The following GTF2F2 variants were observed in gnomAD, a reference collection of about 807,000 sequenced individuals.
The protein encoded by GTF2F2 is ATP-dependent helicase GTF2F2.
GTF2F2 carries 23 observed loss-of-function variants against 42.2 expected under a neutral mutation model. That is an observed-to-expected ratio of 0.55 (90% CI 0.39 to 0.77). GTF2F2 has a LOEUF of 0.77. Among genes scored for constraint, GTF2F2 ranks in the 30% least tolerant of loss-of-function variants. GTF2F2 has a pLI of 0.00. For missense variants in GTF2F2, 261 were observed against 287.2 expected (o/e 0.91, Z 0.66); for synonymous variants, 105 against 100.8 (o/e 1.04, Z -0.25).
rs1328736546 is a variant in GTF2F2 at position 45,191,222 on chromosome 13, AAAATATAT to A, written c.305-16200_305-16193del. Reference sequence around the variant, plus strand: ...CCGTCTCTACTAAAAATACAAAAAAAAAATATATATATATATATATATATATATATATA... The same window carrying A: ...CCGTCTCTACTAAAAATACAAAAAAAATATATATATATATATATATATATA... On this transcript the variant is annotated intron_variant, in intron 4 of 7. Coordinates refer to ENST00000340473, the MANE Select transcript of GTF2F2 (RefSeq NM_004128.3). Among the ~76,000 whole-genome samples the A allele has an allele frequency of 3.0e-4, 21 of 69,964 alleles. 1 individual carries two copies. The highest frequency in any genetic ancestry group is 2.2e-3 in the Admixed American group (16 of 7,372). The allele number at this position is 69,964 out of a possible 152,430, so 45.9% of individuals were successfully genotyped here.
Position 45,283,949 on chromosome 13 carries a change from A to G in GTF2F2, c.*388A>G, listed in dbSNP as rs2138284242. On this transcript the variant is annotated 3_prime_UTR_variant, in exon 8 of 8. Transcript: ENST00000340473. ...TCCAAGGAGAATTGTATAGCAAGAA[A>G]AAAACAGTCAACTACAGAAACTCTT... 6.6e-6 allele frequency: 1 copy of G among 152,522 alleles called. No homozygotes were observed. The highest frequency in any genetic ancestry group is 6.5e-5 in the Admixed American group (1 of 15,314). The allele number at this position is 152,522 out of a possible 1,614,324, so 9.4% of individuals were successfully genotyped here. A position where few individuals can be genotyped will look rare whatever the true frequency, so the allele number is the denominator to read the frequency against.
At chr13:45,211,882 G>C (rs1314309850) in intron 5 of GTF2F2, among the ~76,000 whole-genome samples, 2 of 152,122 alleles carry the variant, frequency 1.3e-5, no homozygotes, top group Non-Finnish European at 2.9e-5. Context: ...CACTGCGCCA[G>C]CCCAGGCTCA....
chr13:45,227,041 A>G (rs1020030673), intron 5 of GTF2F2, among the ~76,000 whole-genome samples: 3 of 152,214 alleles, frequency 2.0e-5, no homozygotes, highest in African/African-American at 7.2e-5. Context: ...TCAAGGCTGC[A>G]GTGAGCTGTG....
At chr13:45,173,838 CG>C (rs1359087089) in intron 4 of GTF2F2, among the ~76,000 whole-genome samples, 1 of 151,902 alleles carries the variant, frequency 6.6e-6, no homozygotes, top group Non-Finnish European at 1.5e-5. Flanking sequence ...AGGATGGTCT[CG>C]ATCTCCTGAC....
rs1165668045 is a variant in GTF2F2, at chr13:45,281,853, AATT to A, written c.631-1585_631-1583del. 1.3e-5 allele frequency among the ~76,000 whole-genome samples: 2 copies of A among 152,330 alleles called. 1 individual carries two copies. The highest frequency in any genetic ancestry group is 1.3e-4 in the Admixed American group (2 of 15,294). ...TAGTTCTTTGAAGCACACGCACACA[AATT>A]ATTGTTGGATTGCTTTGTTCTGCAA... On this transcript the variant is annotated intron_variant, in intron 7 of 7. Transcript: ENST00000340473.
At chr13:45,212,235 T>C (rs980353158) in intron 5 of GTF2F2, among the ~76,000 whole-genome samples, 1 of 152,210 alleles carries the variant, frequency 6.6e-6, no homozygotes, top group African/African-American at 2.4e-5. Flanking sequence ...TTTGACTGCA[T>C]AGTTTTTAGT....
At chr13:45,202,385 T>TCAAAA (rs1227802116) in intron 4 of GTF2F2, among the ~76,000 whole-genome samples, 4 of 152,240 alleles carry the variant, frequency 2.6e-5, no homozygotes, top group East Asian at 1.9e-4. Context: ...AGACTCCATC[T>TCAAAA]CAAAACAAAA....
At chr13:45,147,444 A>G (rs2138114479) in intron 2 of GTF2F2, among the ~76,000 whole-genome samples, 1 of 152,322 alleles carries the variant, frequency 6.6e-6, no homozygotes, top group East Asian at 1.9e-4. Context: ...TCTAGAAGCT[A>G]AATTCAGGAG....
rs142649211 is a variant in GTF2F2, at chr13:45,213,554, G to T, written c.386+6049G>T. On this transcript the variant is annotated intron_variant, in intron 5 of 7. Coordinates refer to ENST00000340473, the MANE Select transcript of GTF2F2 (RefSeq NM_004128.3). ...ATTTAAATGTTTATTCTTCTTTAAT[G>T]TTTTGGGAATTCATAGTTGTATCCT... Among the ~76,000 whole-genome samples, 911 of 152,162 alleles carry T rather than the reference G, an allele frequency of 6.0e-3. 5 individuals carry two copies. The highest frequency in any genetic ancestry group is 0.01 in the Non-Finnish European group (706 of 68,010).
intron 5 of GTF2F2, 71 bp downstream of exon 5, chr13:45,207,576 G>A (rs1232629736): frequency 7.8e-6 from 7 of 900,894 alleles, no homozygotes; most frequent in South Asian, 5.5e-5. Flanking sequence ...GTGTTATATC[G>A]CCTATTGACT....
chr13:45,136,070 G>C (rs752425835), intron 1 of GTF2F2, among the ~76,000 whole-genome samples: 2 of 152,186 alleles, frequency 1.3e-5, no homozygotes, highest in East Asian at 1.9e-4. Flanking sequence ...AGAATGCCTG[G>C]GTTCAAATCC....
chr13:45,136,249 T>C (rs1378696695), intron 1 of GTF2F2, among the ~76,000 whole-genome samples: 1 of 152,254 alleles, frequency 6.6e-6, no homozygotes, highest in Non-Finnish European at 1.5e-5. Context: ...AAGGCAGGAT[T>C]ATATAAATGT....
At chr13:45,219,445 G>A (rs1167603214) in intron 5 of GTF2F2, 1 of 152,128 alleles carries the variant, frequency 6.6e-6, no homozygotes, top group Admixed American at 6.5e-5. Context: ...AACCAACATT[G>A]TTAGTACCAT....
chr13:45,247,030 C>A (rs1257005669), intron 5 of GTF2F2, among the ~76,000 whole-genome samples: 2 of 126,868 alleles, frequency 1.6e-5, no homozygotes, highest in African/African-American at 6.2e-5. Context: ...CAGATCAAGA[C>A]TCTGTCTCAA....
intron 5 of GTF2F2, among the ~76,000 whole-genome samples, chr13:45,215,512 G>A (rs928773940): frequency 6.6e-6 from 1 of 152,118 alleles, no homozygotes; most frequent in Non-Finnish European, 1.5e-5. Flanking sequence ...GTAATCCCAG[G>A]ACTTTGGGAG....
intron 4 of GTF2F2, among the ~76,000 whole-genome samples, chr13:45,190,579 A>G (rs1008056484): frequency 1.3e-5 from 2 of 152,192 alleles, no homozygotes; most frequent in Non-Finnish European, 2.9e-5. Context: ...CATCAGTAAA[A>G]AGGAAAGAAT....
chr13:45,239,325 A>AT (rs1405425200), intron 5 of GTF2F2, among the ~76,000 whole-genome samples: 3 of 152,256 alleles, frequency 2.0e-5, no homozygotes, highest in Non-Finnish European at 2.9e-5. Context: ...AGATATTTAT[A>AT]TTTTGGACTG....
intron 6 of GTF2F2, among the ~76,000 whole-genome samples, chr13:45,254,022 A>G (rs1013605593): frequency 2.6e-5 from 4 of 151,158 alleles, no homozygotes; most frequent in African/African-American, 9.8e-5. Context: ...AGATCACGCC[A>G]CTGCACTGCA....
intron 6 of GTF2F2, among the ~76,000 whole-genome samples, chr13:45,254,304 T>C (rs372861256): frequency 1.3e-5 from 2 of 152,214 alleles, no homozygotes; most frequent in Admixed American, 1.3e-4. Context: ...TTTGGTACTA[T>C]CCACAATTTC....
Sources: allele counts gnomAD v4.1 joint callset (sites outside exome capture counted in the v4.1 genomes callset), GRCh38; gene constraint gnomAD v4.1.1; transcripts MANE v1.5; gene names NCBI Gene and HGNC (gene_info 2026-07-23, HGNC 2026-07-21).